Variants in GPSM1 observed in about 807,000 individuals in gnomAD.
GPSM1 encodes G protein signaling modulator 1.
Under a neutral mutation model 70.5 loss-of-function variants are expected in GPSM1, and 48 were observed. The ratio of observed to expected loss-of-function variants is 0.68; its 90% CI spans 0.54 to 0.87. The LOEUF (loss-of-function observed/expected upper bound fraction) is 0.87. GPSM1 is among the 40% of genes least tolerant of loss of function. The pLI, the probability that GPSM1 is intolerant of heterozygous loss-of-function variation, is 0.00. For synonymous variants in GPSM1, 416 were observed against 430.1 expected, an observed-to-expected ratio of 0.97 and a Z score of 0.41; for missense variants, 981 against 972.6, an observed-to-expected ratio of 1.01 and a Z score of -0.11.
In GPSM1 at chr9:136,327,661, G is replaced by C. The variant is rs1368855599; in HGVS notation, c.-35G>C. The C allele has an allele frequency of 2.2e-5, 19 of 848,510 alleles. No individual in the cohort carries two copies. In the African/African-American group the frequency reaches 3.3e-4, roughly 15 times the overall value. The allele number at this position is 848,510 out of a possible 1,614,324, so 52.6% of individuals were successfully genotyped here. A position where few individuals can be genotyped will look rare whatever the true frequency, so the allele number is the denominator to read the frequency against. On this transcript the variant is annotated 5_prime_UTR_variant, in exon 1 of 14. Coordinates refer to ENST00000440944, the MANE Select transcript of GPSM1 (RefSeq NM_001145638.3). ...GGGGGCGGACGGCCACGGCGCGGGG[G>C]GCGCTCCCGGCTCCCGCTCCCGCGT... is the stretch of plus-strand genomic sequence containing the variant.
rs1442212861 is a variant in GPSM1, at chr9:136,342,553, C to T, written c.1207+1560C>T. On this transcript the variant is annotated intron_variant, in intron 9 of 13. Coordinates refer to ENST00000440944, the MANE Select transcript of GPSM1 (RefSeq NM_001145638.3). The surrounding 1 kb of genome is among the most constrained non-coding windows in gnomAD (Gnocchi z 5.5). ...CAGCCCGGCAGCCTGGCTGGGGCCG[C>T]CGCCCGGCTGCCGCTGTGGGAGGCA... 2.6e-5 allele frequency among the ~76,000 whole-genome samples: 4 copies of T among 152,194 alleles called. No homozygotes were observed. The highest frequency in any genetic ancestry group is 2.6e-4 in the Admixed American group (4 of 15,300).
intron 1 of GPSM1, 83 bp from the exon 2 acceptor site, chr9:136,334,364 G>A (rs1445299271): frequency 2.3e-5 from 22 of 961,262 alleles, no homozygotes; most frequent in South Asian, 1.2e-4. Context: ...CAGGGGCGTC[G>A]TCTGTAGTGA....
intron 1 of GPSM1, among the ~76,000 whole-genome samples, chr9:136,328,730 C>T (rs2082424528): frequency 6.6e-6 from 1 of 152,234 alleles, no homozygotes; most frequent in African/African-American, 2.4e-5. Flanking sequence ...GCTTTGGTCC[C>T]AGACACAGCC....
At chr9:136,346,506 T>G (rs1456341482) in intron 9 of GPSM1, among the ~76,000 whole-genome samples, 2 of 152,244 alleles carry the variant, frequency 1.3e-5, no homozygotes, top group Non-Finnish European at 2.9e-5. Context: ...AGGTGCCTTC[T>G]TAGCCGTCTG....
chr9:136,356,943 G>C (rs1276360353), intron 13 of GPSM1, among the ~76,000 whole-genome samples: 2 of 152,212 alleles, frequency 1.3e-5, no homozygotes, highest in Non-Finnish European at 2.9e-5. Flanking sequence ...CCCAGAGTGG[G>C]GAGGGCAGGG....
At position 136,353,763 on chromosome 9, in the gene GPSM1, GA is replaced by G. The variant is rs1832735807; in HGVS notation, c.1456-1926del. On this transcript the variant is annotated intron_variant, in intron 11 of 13. Transcript: ENST00000440944. ...GGGAGTCCAGATTGGGCCAGAGGCA[GA>G]GGCCCCCCGCGGCTGTGCCCTAGGT... Among the ~76,000 whole-genome samples the G allele has an allele frequency of 2.0e-5, 3 of 152,308 alleles. No homozygotes were observed. In the South Asian group the frequency reaches 6.2e-4, roughly 32 times the overall value.
In GPSM1 at chr9:136,341,765, C is replaced by G; in HGVS notation, c.1207+772C>G. On this transcript the variant is annotated intron_variant, in intron 9 of 13. Coordinates refer to ENST00000440944, the MANE Select transcript of GPSM1 (RefSeq NM_001145638.3). The surrounding 1 kb of genome is among the most constrained non-coding windows in gnomAD (Gnocchi z 6.7). ...TAAGGACCAGGCTGGGAACACCAGGCTTGGATGTGGTGCTGGGCTGCCGGA... is the reference window on the plus strand; with the variant it reads ...TAAGGACCAGGCTGGGAACACCAGGGTTGGATGTGGTGCTGGGCTGCCGGA... 1.0e-6 allele frequency: 1 copy of G among 985,614 alleles called. No homozygotes were observed. The highest frequency in any genetic ancestry group is 1.2e-6 in the Non-Finnish European group (1 of 830,172). The allele number at this position is 985,614 out of a possible 1,614,324, so 61.1% of individuals were successfully genotyped here. A position where few individuals can be genotyped will look rare whatever the true frequency, so the allele number is the denominator to read the frequency against.
At chr9:136,333,051 T>C in intron 1 of GPSM1, among the ~76,000 whole-genome samples, 1 of 151,988 alleles carries the variant, frequency 6.6e-6, no homozygotes, top group Non-Finnish European at 1.5e-5. Context: ...AAATGAAAAA[T>C]GAAAGCAACA....
In GPSM1 at chr9:136,358,125, A is replaced by G. The variant is rs781786164; in HGVS notation, c.1933A>G (p.Met645Val). 6 of 1,611,466 alleles carry G rather than the reference A, an allele frequency of 3.7e-6. No homozygotes were observed. Among genetic ancestry groups the G allele is most frequent in the African/African-American group, 1.3e-5 (1 of 74,866 alleles). Residue 645 changes from methionine to valine, a missense_variant, in exon 14 of 14, where the codon ATG becomes GTG. Physicochemically the swap from Met to Val is conservative, Grantham distance 21. Coordinates refer to ENST00000440944, the MANE Select transcript of GPSM1 (RefSeq NM_001145638.3). Reference protein sequence around the residue: ...SLIQRVQAKRMDEQRVDLAGG... With the variant: ...SLIQRVQAKRVDEQRVDLAGG... ...CATTCAGAGGGTGCAGGCTAAGCGCATGGACGAGCAGCGGGTGGACCTCGC... is the reference window on the plus strand; with the variant it reads ...CATTCAGAGGGTGCAGGCTAAGCGCGTGGACGAGCAGCGGGTGGACCTCGC...
chr9:136,332,433 C>T (rs1298479184), intron 1 of GPSM1, among the ~76,000 whole-genome samples: 1 of 152,226 alleles, frequency 6.6e-6, no homozygotes, highest in Non-Finnish European at 1.5e-5. Context: ...GGAAGGGAGG[C>T]GGGAGGTGGC....
In GPSM1 at chr9:136,354,894, C is replaced by T. The variant is rs1488228573; in HGVS notation, c.1456-796C>T. ...GGGACAGGAGGCACGGGAGGCTTCC[C>T]GGGATGTCTGGGAAGTGTTCCAGGC... is the stretch of plus-strand genomic sequence containing the variant. On this transcript the variant is annotated intron_variant, in intron 11 of 13. Transcript: ENST00000440944. 37 of 1,013,812 alleles carry T rather than the reference C, an allele frequency of 3.6e-5. No homozygotes were observed. In the South Asian group the frequency reaches 8.1e-4, roughly 22 times the overall value. The allele number at this position is 1,013,812 out of a possible 1,614,324, so 62.8% of individuals were successfully genotyped here.
intron 9 of GPSM1, among the ~76,000 whole-genome samples, chr9:136,346,450 T>C (rs1180684909): frequency 1.3e-5 from 2 of 152,200 alleles, no homozygotes; most frequent in Non-Finnish European, 2.9e-5. Context: ...GCCAGGCCGA[T>C]CCAGGGGCTC....
intron 11 of GPSM1, among the ~76,000 whole-genome samples, chr9:136,351,682 C>T (rs1588705596): frequency 6.6e-6 from 1 of 152,210 alleles, no homozygotes; most frequent in South Asian, 2.1e-4. Flanking sequence ...CCCCAGGGAG[C>T]CCCCACCTGC....
At chr9:136,338,176 T>C (rs1328066981) in intron 6 of GPSM1, among the ~76,000 whole-genome samples, 3 of 152,176 alleles carry the variant, frequency 2.0e-5, no homozygotes, top group Non-Finnish European at 4.4e-5. Context: ...GTCTGGGCCA[T>C]CTGCCTCCTG....
Position 136,327,594 on chromosome 9 carries a change from C to A in GPSM1, c.-102C>A, listed in dbSNP as rs1272312224. ...GGCGAACGAGGCGCGGACGGACAGG[C>A]GGACAGCAGGGCGGACAGCAGGGAG... is the stretch of plus-strand genomic sequence containing the variant. On this transcript the variant is annotated 5_prime_UTR_variant, in exon 1 of 14. Coordinates refer to ENST00000440944, the MANE Select transcript of GPSM1 (RefSeq NM_001145638.3). The A allele has an allele frequency of 9.2e-6, 2 of 218,040 alleles. No individual in the cohort carries two copies. The highest frequency in any genetic ancestry group is 2.8e-4 in the East Asian group (2 of 7,206). The allele number at this position is 218,040 out of a possible 1,614,324, so 13.5% of individuals were successfully genotyped here. A position where few individuals can be genotyped will look rare whatever the true frequency, so the allele number is the denominator to read the frequency against.
At chr9:136,351,928 G>A (rs1186321952) in intron 11 of GPSM1, among the ~76,000 whole-genome samples, 1 of 151,560 alleles carries the variant, frequency 6.6e-6, no homozygotes, top group Non-Finnish European at 1.5e-5. Flanking sequence ...AGCGAGGGTG[G>A]GTGGGGGATA....
rs1832933813 is a variant in GPSM1 at position 136,359,296 on chromosome 9, C to CTG, written c.*1076_*1077insTG. 1.3e-5 allele frequency: 2 copies of CTG among 152,358 alleles called. No homozygotes were observed. The highest frequency in any genetic ancestry group is 4.8e-5 in the African/African-American group (2 of 41,566). The allele number at this position is 152,358 out of a possible 1,614,324, so 9.4% of individuals were successfully genotyped here. A position where few individuals can be genotyped will look rare whatever the true frequency, so the allele number is the denominator to read the frequency against. On this transcript the variant is annotated 3_prime_UTR_variant, in exon 14 of 14. Coordinates refer to ENST00000440944, the MANE Select transcript of GPSM1 (RefSeq NM_001145638.3). Reference sequence around the variant, plus strand: ...AAGACTGCCAAGGGCCCTACCATGGCCCCACAGCCCCCAGGGCTGGCAGTT... The same window carrying CTG: ...AAGACTGCCAAGGGCCCTACCATGGCTGCCCACAGCCCCCAGGGCTGGCAGTT...
At chr9:136,355,617 G>A (rs1235305282) in intron 11 of GPSM1, 73 bp from the exon 12 acceptor site, 1 of 1,420,776 alleles carries the variant, frequency 7.0e-7, no homozygotes, top group Non-Finnish European at 9.8e-7. Context: ...TGTGGCCTGG[G>A]CAAGCAGCCC....
In GPSM1 at chr9:136,336,081, G is replaced by A. The variant is rs782259055; in HGVS notation, c.406G>A (p.Ala136Thr). 12 of 1,611,552 alleles carry A rather than the reference G, an allele frequency of 7.4e-6. No homozygotes were observed. Among genetic ancestry groups the A allele is most frequent in the African/African-American group, 4.0e-5 (3 of 74,926 alleles). ...AVCCQRHLSIAQEQGDKVGEA... is the reference protein window; with the variant it reads ...AVCCQRHLSITQEQGDKVGEA... The stretch of plus-strand genomic sequence containing the variant: ...CTGCTGCCAGCGGCATCTGAGCATC[G>A]CCCAAGAGCAGGGAGACAAGGTGGG... The change falls in exon 3 of 14, where the codon GCC becomes ACC. Residue 136 changes from alanine to threonine, a missense_variant. Transcript: ENST00000440944.
Sources: gnomAD v4.1 joint callset for allele counts (sites outside exome capture counted in the v4.1 genomes callset) on GRCh38, gnomAD v4.1.1 for gene constraint, Gnocchi (gnomAD v3.1) non-coding constraint, MANE v1.5 for transcripts, NCBI Gene and HGNC (gene_info 2026-07-23, HGNC 2026-07-21) for gene names.